The following PHF2 variants were observed in gnomAD, a reference collection of about 807,000 sequenced individuals.
PHF2 encodes lysine-specific demethylase PHF2.
A neutral mutation model predicts 120.5 loss-of-function variants in PHF2; 27 were observed. The ratio of observed to expected loss-of-function variants is 0.22; its 90% CI spans 0.17 to 0.31. The LOEUF (loss-of-function observed/expected upper bound fraction) is 0.31. Among genes scored for constraint, PHF2 ranks in the 10% least tolerant of loss-of-function variants. The probability of loss-of-function intolerance (pLI) is 1.00; values close to 1 mark genes in which losing one functional copy is unlikely to be tolerated. For synonymous variants in PHF2, 568 were observed against 592.5 expected (o/e 0.96, Z 0.60); for missense variants, 1,024 against 1,434.8 (o/e 0.71, Z 4.63).
At chr9:93,624,101 T>G (rs1040506008) in intron 1 of PHF2, among the ~76,000 whole-genome samples, 6 of 152,264 alleles carry the variant, frequency 3.9e-5, no homozygotes, top group African/African-American at 1.4e-4. Flanking sequence ...GCACTTAACC[T>G]CTCATACCTA....
In PHF2 at chr9:93,654,397, C is replaced by T; in HGVS notation, c.790-16C>T. The T allele has an allele frequency of 1.2e-6, 2 of 1,608,366 alleles. No homozygotes were observed. The highest frequency in any genetic ancestry group is 1.7e-6 in the Non-Finnish European group (2 of 1,175,638). On this transcript the variant is annotated splice_polypyrimidine_tract_variant and intron_variant, in intron 6 of 21. Transcript: ENST00000359246. Reference sequence around the variant, plus strand: ...ATCCCAGTATGGGCGGCTCTGCCAACAGGCTCTCTTGGCAGGGGGAGAAGA... The same window carrying T: ...ATCCCAGTATGGGCGGCTCTGCCAATAGGCTCTCTTGGCAGGGGGAGAAGA...
intron 1 of PHF2, among the ~76,000 whole-genome samples, chr9:93,584,864 C>T (rs1863006877): frequency 6.6e-6 from 1 of 152,202 alleles, no homozygotes; most frequent in Non-Finnish European, 1.5e-5. Context: ...GATCCATGAA[C>T]GTGGGATACC....
intron 18 of PHF2, among the ~76,000 whole-genome samples, 198 bp from the exon 19 acceptor site, chr9:93,674,727 CTG>C (rs1267712202): frequency 6.6e-6 from 1 of 152,146 alleles, no homozygotes; most frequent in Non-Finnish European, 1.5e-5. Context: ...TGGATAATCT[CTG>C]GGGCCTGTGC....
chr9:93,622,246 C>G (rs188344459), intron 1 of PHF2, among the ~76,000 whole-genome samples: 1 of 152,208 alleles, frequency 6.6e-6, no homozygotes, highest in Non-Finnish European at 1.5e-5. Flanking sequence ...GGCTTGGGGT[C>G]TGGTCAAGGC....
chr9:93,632,954 T>C (rs556492163), intron 2 of PHF2, among the ~76,000 whole-genome samples: 31 of 151,992 alleles, frequency 2.0e-4, no homozygotes, highest in Non-Finnish European at 3.1e-4. Context: ...GATGCCCCAG[T>C]TGGTCTTTGC....
At chr9:93,667,317 G>A in intron 17 of PHF2, 77 bp downstream of exon 17, 1 of 1,516,724 alleles carries the variant, frequency 6.6e-7, no homozygotes, top group South Asian at 1.2e-5. Flanking sequence ...ATGATGGTGG[G>A]AGCCTGCGAG....
intron 1 of PHF2, 25 bp downstream of exon 1, chr9:93,576,896 TCGGCCCGGCC>T (rs750115392): frequency 0.051 from 55,584 of 1,091,996 alleles, 1,716 homozygotes; most frequent in Non-Finnish European, 0.06. Flanking sequence ...GCTGCTCGGC[TCGGCCCGGCC>T]CGGCCCGGCC....
At chr9:93,631,602 C>T (rs1826003086) in intron 2 of PHF2, among the ~76,000 whole-genome samples, 1 of 152,234 alleles carries the variant, frequency 6.6e-6, no homozygotes, top group Non-Finnish European at 1.5e-5. Context: ...CTTCTGGCAC[C>T]TCAATGAGCC....
rs1199451413 is a variant in PHF2, at chr9:93,659,614, C to T, written c.1329+14C>T. ...CGGCTCAGTGAGGTGGGGCCGTGTC[C>T]AGGTGCTGGGCTGGACCCCTGGGGA... On this transcript the variant is annotated intron_variant, in intron 11 of 21. Transcript: ENST00000359246. The T allele has an allele frequency of 6.2e-7, 1 of 1,611,694 alleles. No homozygotes were observed. The highest frequency in any genetic ancestry group is 8.5e-7 in the Non-Finnish European group (1 of 1,178,210).
chr9:93,631,197 G>A (rs750343136), intron 2 of PHF2, among the ~76,000 whole-genome samples: 1 of 152,216 alleles, frequency 6.6e-6, no homozygotes, highest in Non-Finnish European at 1.5e-5. Context: ...CTGGCAGCTG[G>A]TGATGCTGGG....
intron 5 of PHF2, among the ~76,000 whole-genome samples, chr9:93,650,141 C>CAG (rs34855444): frequency 0.5 from 75,785 of 150,488 alleles, 19,391 homozygotes; most frequent in African/African-American, 0.55. Flanking sequence ...CTCACCAACA[C>CAG]GGTACACTCA....
chr9:93,614,835 G>C (rs1825695150), intron 1 of PHF2, among the ~76,000 whole-genome samples: 1 of 73,650 alleles, frequency 1.4e-5, no homozygotes, highest in Non-Finnish European at 3.5e-5. Flanking sequence ...TGACGATGGT[G>C]GTGATGGTGA....
chr9:93,582,086 G>A (rs1236331957), intron 1 of PHF2, among the ~76,000 whole-genome samples: 2 of 152,170 alleles, frequency 1.3e-5, no homozygotes, highest in African/African-American at 2.4e-5. Context: ...CGTCGACTGC[G>A]AGGGGCAGAT....
At chr9:93,600,923 C>T (rs1564376685) in intron 1 of PHF2, among the ~76,000 whole-genome samples, 1 of 152,194 alleles carries the variant, frequency 6.6e-6, no homozygotes, top group East Asian at 1.9e-4. Flanking sequence ...GGTGCTTGTC[C>T]ACCACATTCA....
intron 20 of PHF2, 83 bp from the exon 21 acceptor site, chr9:93,676,511 G>A (rs1042259794): frequency 1.7e-5 from 26 of 1,505,860 alleles, no homozygotes; most frequent in Non-Finnish European, 2.2e-5. Flanking sequence ...AAGGGCCCCT[G>A]GCAAGGCCAT....
At chr9:93,634,993 C>T (rs916027141) in intron 2 of PHF2, among the ~76,000 whole-genome samples, 3 of 152,232 alleles carry the variant, frequency 2.0e-5, no homozygotes, top group Non-Finnish European at 4.4e-5. Flanking sequence ...AGACGAGGCA[C>T]AGAGCTGTCA....
chr9:93,665,761 G>C lies in PHF2; in HGVS notation c.2013G>C (p.Lys671Asn). 1 of 1,614,156 alleles carries C rather than the reference G, an allele frequency of 6.2e-7. No individual in the cohort carries two copies. The highest frequency in any genetic ancestry group is 1.1e-5 in the South Asian group (1 of 91,086). The part of the protein sequence containing the change: ...ALQNFKEDKP[K>N]PVRDEYEYVS... ...AGAACTTCAAGGAGGACAAGCCCAA[G>C]CCCGTGCGGGATGAGTATGAGTACG... Residue 671 changes from lysine to asparagine, a missense_variant, in exon 15 of 22, where the codon AAG (lysine) becomes AAC (asparagine). Lys to Asn is a moderately conservative substitution (Grantham distance 94). Transcript: ENST00000359246.
chr9:93,657,872 G>A (rs1042748267), intron 9 of PHF2, among the ~76,000 whole-genome samples: 3 of 152,188 alleles, frequency 2.0e-5, no homozygotes, highest in African/African-American at 7.2e-5. Flanking sequence ...GGCAGAGTGA[G>A]GAGAGCAAGG....
At chr9:93,659,032 G>A (rs533505444) in intron 10 of PHF2, among the ~76,000 whole-genome samples, 1 of 152,350 alleles carries the variant, frequency 6.6e-6, no homozygotes, top group African/African-American at 2.4e-5. Flanking sequence ...GGCCAGTGGA[G>A]ATTTACAGGA....
Sources: gnomAD v4.1 joint callset for allele counts (sites outside exome capture counted in the v4.1 genomes callset) on GRCh38, gnomAD v4.1.1 for gene constraint, MANE v1.5 for transcripts, NCBI Gene and HGNC (gene_info 2026-07-23, HGNC 2026-07-21) for gene names.